GRIK2: variants seen among roughly 807,000 people sequenced by gnomAD.
GRIK2 encodes the protein glutamate ionotropic receptor kainate type subunit 2.
GRIK2 carries 32 observed loss-of-function variants against 100.3 expected under a neutral mutation model. The ratio of observed to expected loss-of-function variants is 0.32; its 90% CI spans 0.24 to 0.43. The LOEUF (loss-of-function observed/expected upper bound fraction) is 0.43, where lower values mean the gene tolerates loss of function less well. Among genes scored for constraint, GRIK2 ranks in the 20% least tolerant of loss-of-function variants. The pLI, the probability that GRIK2 is intolerant of heterozygous loss-of-function variation, is 1.00. For synonymous variants in GRIK2, 417 were observed against 389.4 expected (o/e 1.07, Z -0.83); for missense variants, 843 against 1,114.9 (o/e 0.76, Z 3.47).
intron 11 of GRIK2, among the ~76,000 whole-genome samples, chr6:101,886,519 T>C (rs914428402): frequency 6.6e-6 from 1 of 151,986 alleles, no homozygotes; most frequent in Non-Finnish European, 1.5e-5. Flanking sequence ...ATATGACTAT[T>C]CAATCCTATT....
At chr6:101,803,988 T>G (rs1450531518) in intron 9 of GRIK2, among the ~76,000 whole-genome samples, 1 of 151,922 alleles carries the variant, frequency 6.6e-6, no homozygotes, top group African/African-American at 2.4e-5. Flanking sequence ...TTTTGCTGAA[T>G]TAATTATGTT....
At chr6:101,679,896 G>A (rs1312894116) in intron 5 of GRIK2, among the ~76,000 whole-genome samples, 2 of 151,968 alleles carry the variant, frequency 1.3e-5, no homozygotes, top group Non-Finnish European at 2.9e-5. Flanking sequence ...CTGCCACCAC[G>A]CCCAGCGTAT....
chr6:101,848,925 C>T (rs2051448), intron 10 of GRIK2, among the ~76,000 whole-genome samples: 244 of 152,020 alleles, frequency 1.6e-3, no homozygotes, highest in African/African-American at 5.8e-3. Flanking sequence ...TCTTTGTAAG[C>T]ATTAGTTATA....
rs10528480 is a variant in GRIK2, at chr6:101,556,321, A to ATTTTTTTTTTTTTT, written c.116-65610_116-65597dup. Among the ~76,000 whole-genome samples the ATTTTTTTTTTTTTT allele has an allele frequency of 3.1e-3, 185 of 59,384 alleles. 42 individuals carry two copies. The highest frequency in any genetic ancestry group is 4.7e-3 in the African/African-American group (85 of 17,918). The allele number at this position is 59,384 out of a possible 152,430, so 39.0% of individuals were successfully genotyped here. Reference sequence around the variant, plus strand: ...AATTGCACTATGTAATATATTGGTAATTTTTTTTTTTTTTTTTTTTTTTTT... The same window carrying ATTTTTTTTTTTTTT: ...AATTGCACTATGTAATATATTGGTAATTTTTTTTTTTTTTTTTTTTTTTTTTTTTTTTTTTTTTT... On this transcript the variant is annotated intron_variant, in intron 2 of 16. Coordinates refer to ENST00000369134, the MANE Select transcript of GRIK2 (RefSeq NM_021956.5).
intron 15 of GRIK2, among the ~76,000 whole-genome samples, chr6:102,035,796 T>C (rs1770238803): frequency 1.3e-5 from 2 of 151,466 alleles, no homozygotes; most frequent in South Asian, 4.1e-4. Flanking sequence ...TAGATATTTT[T>C]ACTGTATCAG....
intron 2 of GRIK2, among the ~76,000 whole-genome samples, chr6:101,444,639 A>C (rs530553381): frequency 2.4e-4 from 36 of 152,240 alleles, no homozygotes; most frequent in Admixed American, 6.5e-4. Context: ...TTATTAAGTA[A>C]AAATTTTCAA....
At position 101,954,931 on chromosome 6, in the gene GRIK2, A is replaced by G. The variant is rs144931268; in HGVS notation, c.2085+26299A>G. Among the ~76,000 whole-genome samples, 77 of 152,208 alleles carry G rather than the reference A, an allele frequency of 5.1e-4. 2 individuals carry two copies. In the South Asian group the frequency reaches 5.6e-3, roughly 11 times the overall value. ...CACTCCAGAGGTACTGAATTTGTCA[A>G]TGCTTTTCCTGAGTTTACTGAGATG... On this transcript the variant is annotated intron_variant, in intron 14 of 16. Transcript: ENST00000369134.
chr6:101,682,192 T>C (rs895290275), intron 5 of GRIK2, among the ~76,000 whole-genome samples: 24 of 152,318 alleles, frequency 1.6e-4, no homozygotes, highest in African/African-American at 5.8e-4. Flanking sequence ...TTCATTAAAA[T>C]AAAATGGTGT....
intron 2 of GRIK2, among the ~76,000 whole-genome samples, chr6:101,566,867 CAT>C (rs984065520): frequency 4.0e-5 from 6 of 149,602 alleles, no homozygotes; most frequent in African/African-American, 7.3e-5. Context: ...TTATGATAGA[CAT>C]ATATACATAT....
chr6:101,473,172 T>TTCTTTC, intron 2 of GRIK2, among the ~76,000 whole-genome samples: 1 of 141,854 alleles, frequency 7.0e-6, no homozygotes, highest in Admixed American at 7.3e-5. Context: ...TTCTTTCCTT[T>TTCTTTC]CTTCCTTCCC....
intron 2 of GRIK2, among the ~76,000 whole-genome samples, chr6:101,615,588 CAGG>C (rs1295974823): frequency 2.0e-5 from 3 of 151,764 alleles, no homozygotes; most frequent in Non-Finnish European, 2.9e-5. Context: ...TATGAACTCT[CAGG>C]AGAGCAATTA....
At chr6:101,674,928 A>G (rs73510640) in intron 4 of GRIK2, among the ~76,000 whole-genome samples, 14,931 of 152,066 alleles carry the variant, frequency 0.098, 2,388 homozygotes, top group African/African-American at 0.34. Context: ...ATATTTATGG[A>G]GTATAATGTA....
intron 2 of GRIK2, among the ~76,000 whole-genome samples, chr6:101,617,874 G>A (rs573592109): frequency 6.6e-6 from 1 of 151,654 alleles, no homozygotes; most frequent in Non-Finnish European, 1.5e-5. Context: ...TACTAAATGT[G>A]TGTATATATG....
At chr6:101,978,071 GT>G (rs905118802) in intron 14 of GRIK2, among the ~76,000 whole-genome samples, 2 of 151,840 alleles carry the variant, frequency 1.3e-5, no homozygotes, top group East Asian at 2.0e-4. Flanking sequence ...CTGATAGGAG[GT>G]TTTTTTCTGA....
intron 2 of GRIK2, among the ~76,000 whole-genome samples, chr6:101,448,455 C>A (rs1179069046): frequency 1.3e-5 from 2 of 151,428 alleles, no homozygotes; most frequent in Non-Finnish European, 3.0e-5. Context: ...TTGAACTAAC[C>A]ATAAGTTAGT....
chr6:101,537,239 T>C (rs1377852337), intron 2 of GRIK2, among the ~76,000 whole-genome samples: 1 of 151,852 alleles, frequency 6.6e-6, no homozygotes, highest in African/African-American at 2.4e-5. Context: ...CAATAAACAC[T>C]GAAAAGGAAA....
chr6:101,541,918 T>TG (rs112432830), intron 2 of GRIK2, among the ~76,000 whole-genome samples: 50,519 of 151,922 alleles, frequency 0.33, 8,686 homozygotes, highest in South Asian at 0.46. Context: ...CCTGCTTTCC[T>TG]TAATATGTAC....
chr6:101,859,188 A>G (rs1784601744), intron 10 of GRIK2, 99 bp from the exon 11 acceptor site: 1 of 630,774 alleles, frequency 1.6e-6, no homozygotes, highest in Non-Finnish European at 2.8e-6. Context: ...GTTGTCCTAA[A>G]TTAATGAGAA....
At chr6:101,969,630 A>C (rs904356301) in intron 14 of GRIK2, among the ~76,000 whole-genome samples, 2 of 152,056 alleles carry the variant, frequency 1.3e-5, no homozygotes, top group Admixed American at 1.3e-4. Context: ...TTTGTTCACT[A>C]ATGGAATTAT....
Sources: gnomAD v4.1 joint callset for allele counts (sites outside exome capture counted in the v4.1 genomes callset) on GRCh38, gnomAD v4.1.1 for gene constraint, MANE v1.5 for transcripts, NCBI Gene and HGNC (gene_info 2026-07-23, HGNC 2026-07-21) for gene names.